XKR9: variants seen among roughly 807,000 people sequenced by gnomAD.
XKR9 encodes XK related 9.
In XKR9, 32 loss-of-function variants were observed where a neutral mutation model predicts 32.0. The observed-to-expected ratio is 1.00, with a 90% CI of 0.76 to 1.34. The LOEUF (loss-of-function observed/expected upper bound fraction) is 1.34, where lower values mean the gene tolerates loss of function less well. Among genes scored for constraint, XKR9 ranks in the 40% most tolerant of loss-of-function variants. The probability of loss-of-function intolerance (pLI) is 0.00; values close to 1 mark genes in which losing one functional copy is unlikely to be tolerated. For missense variants in XKR9, 546 were observed against 429.7 expected, an observed-to-expected ratio of 1.27 and a Z score of -2.39; for synonymous variants, 168 against 143.4, an observed-to-expected ratio of 1.17 and a Z score of -1.22.
chr8:70,669,784 G>A (rs1336042067), intron 1 of XKR9, among the ~76,000 whole-genome samples: 3 of 150,502 alleles, frequency 2.0e-5, no homozygotes, highest in Non-Finnish European at 4.4e-5. Context: ...CTCCTGCCTC[G>A]GCCTCCCGAG....
At chr8:70,941,013 T>TTGGGG in the XKR9 span, among the ~76,000 whole-genome samples, 2 of 152,094 alleles carry the variant, frequency 1.3e-5, no homozygotes, top group African/African-American at 4.8e-5. Context: ...AATTAACATT[T>TTGGGG]TGGGGTGAAC....
At chr8:70,821,801 C>T in the XKR9 span, among the ~76,000 whole-genome samples, 6 of 152,186 alleles carry the variant, frequency 3.9e-5, no homozygotes, top group Admixed American at 6.5e-5. Context: ...ACAGCAAAGC[C>T]CTGGGCCCGG....
At chr8:70,868,647 G>T in the XKR9 span, among the ~76,000 whole-genome samples, 1 of 152,012 alleles carries the variant, frequency 6.6e-6, no homozygotes, top group Non-Finnish European at 1.5e-5. Flanking sequence ...GTGATGGGAG[G>T]GGCTACCGTG....
the XKR9 span, among the ~76,000 whole-genome samples, chr8:71,000,825 G>A: frequency 6.6e-6 from 1 of 152,326 alleles, no homozygotes; most frequent in Non-Finnish European, 1.5e-5. Context: ...GGTAGATGGA[G>A]GCAGTGCCAT....
At chr8:70,716,685 CA>C (rs1400514609) in intron 4 of XKR9, among the ~76,000 whole-genome samples, 1 of 152,112 alleles carries the variant, frequency 6.6e-6, no homozygotes. Flanking sequence ...TGGGTGGGGA[CA>C]CAAAGCCAAA....
intron 3 of XKR9, among the ~76,000 whole-genome samples, chr8:70,689,468 T>G (rs894013361): frequency 1.1e-4 from 16 of 148,346 alleles, no homozygotes; most frequent in Admixed American, 3.4e-4. Context: ...ATGTATTTTA[T>G]GTATATATAT....
intron 2 of XKR9, among the ~76,000 whole-genome samples, chr8:70,756,574 G>T (rs1171985214): frequency 6.6e-6 from 1 of 152,106 alleles, no homozygotes; most frequent in Admixed American, 6.5e-5. Flanking sequence ...TATAAGTTTT[G>T]TACTTCTGTT....
intron 2 of XKR9, among the ~76,000 whole-genome samples, chr8:70,756,428 G>C (rs773728110): frequency 1.3e-5 from 2 of 152,178 alleles, no homozygotes; most frequent in Non-Finnish European, 2.9e-5. Context: ...GATAGGGCTT[G>C]CATTGAATCT....
At chr8:70,683,651 T>C in intron 3 of XKR9, 2 of 388,842 alleles carry the variant, frequency 5.1e-6, no homozygotes, top group South Asian at 1.8e-5. Context: ...TGACACTTGG[T>C]TAATTTTTGT....
At chr8:70,777,346 C>A (rs1807540268) in intron 2 of XKR9, among the ~76,000 whole-genome samples, 2 of 152,072 alleles carry the variant, frequency 1.3e-5, no homozygotes, top group African/African-American at 2.4e-5. Flanking sequence ...TTTCTTTATC[C>A]AGTCTATTAC....
the XKR9 span, among the ~76,000 whole-genome samples, chr8:70,940,524 G>A: frequency 1.1e-4 from 17 of 151,996 alleles, no homozygotes; most frequent in African/African-American, 4.1e-4. Context: ...TCTTAGGTCT[G>A]TTGAAAGAAT....
the XKR9 span, among the ~76,000 whole-genome samples, chr8:70,910,362 G>A: frequency 1.5e-4 from 23 of 152,292 alleles, no homozygotes; most frequent in African/African-American, 5.3e-4. Flanking sequence ...TGACAGTCAT[G>A]AAATCTGGCC....
chr8:70,821,901 C>T, the XKR9 span, among the ~76,000 whole-genome samples: 3 of 152,178 alleles, frequency 2.0e-5, no homozygotes, highest in Non-Finnish European at 4.4e-5. Flanking sequence ...GAGACATTTT[C>T]CCCATTGTCT....
At chr8:70,955,859 C>T in the XKR9 span, among the ~76,000 whole-genome samples, 1 of 152,346 alleles carries the variant, frequency 6.6e-6, no homozygotes, top group South Asian at 2.1e-4. Context: ...CAGGCACTGG[C>T]ACAGGCACCA....
intron 3 of XKR9, among the ~76,000 whole-genome samples, chr8:70,698,282 G>A (rs1335323185): frequency 2.0e-5 from 3 of 152,154 alleles, no homozygotes; most frequent in Non-Finnish European, 4.4e-5. Context: ...ATGTTAGGGT[G>A]TCAATTTTTG....
At chr8:70,764,388 G>C (rs181830826) in intron 2 of XKR9, among the ~76,000 whole-genome samples, 68 of 152,242 alleles carry the variant, frequency 4.5e-4, no homozygotes, top group African/African-American at 1.5e-3. Context: ...AGCTTGGAGA[G>C]GGTAGGTCAG....
chr8:70,888,457 G>A, the XKR9 span, among the ~76,000 whole-genome samples: 3 of 151,670 alleles, frequency 2.0e-5, no homozygotes, highest in African/African-American at 7.3e-5. Flanking sequence ...TTTTTCATTT[G>A]AGGTAATCCC....
At chr8:70,887,843 T>C in the XKR9 span, among the ~76,000 whole-genome samples, 1 of 152,146 alleles carries the variant, frequency 6.6e-6, no homozygotes, top group Non-Finnish European at 1.5e-5. Context: ...TGGGGTTTTC[T>C]TAATATATAA....
At chr8:71,058,390 CT>C in the XKR9 span, among the ~76,000 whole-genome samples, 1 of 152,180 alleles carries the variant, frequency 6.6e-6, no homozygotes, top group Non-Finnish European at 1.5e-5. Context: ...CTCTGTTTGA[CT>C]TTGCCCACCT....
Sources: gnomAD v4.1 joint callset for allele counts (sites outside exome capture counted in the v4.1 genomes callset) on GRCh38, gnomAD v4.1.1 for gene constraint, MANE v1.5 for transcripts, NCBI Gene and HGNC (gene_info 2026-07-23, HGNC 2026-07-21) for gene names.